Variants in BANK1 observed in about 807,000 individuals in gnomAD.
The protein encoded by BANK1 is B-cell scaffold protein with ankyrin repeats.
Under a neutral mutation model 94.5 loss-of-function variants are expected in BANK1, and 95 were observed. The ratio of observed to expected loss-of-function variants is 1.00; its 90% CI spans 0.85 to 1.19. BANK1 has a LOEUF of 1.19. Among genes scored for constraint, BANK1 ranks in the 50% most tolerant of loss-of-function variants. The probability of loss-of-function intolerance (pLI) is 0.00; values close to 1 mark genes in which losing one functional copy is unlikely to be tolerated. For synonymous variants in BANK1, 334 were observed against 308.4 expected (o/e 1.08, Z -0.87); for missense variants, 987 against 932.2 (o/e 1.06, Z -0.77).
In BANK1 at chr4:101,818,194, A is replaced by G. The variant is rs150189471; in HGVS notation, c.71-11614A>G. 2.6e-5 allele frequency among the ~76,000 whole-genome samples: 4 copies of G among 152,318 alleles called. No individual in the cohort carries two copies. The East Asian group carries it at 5.8e-4, about 22-fold the overall frequency. ...ATGACATGGGGCATAGCCTTGAGGT[A>G]AGTCAGGGAAAGGTTACTGCTGTTT... On this transcript the variant is annotated intron_variant, in intron 1 of 16. Transcript: ENST00000322953.
intron 7 of BANK1, among the ~76,000 whole-genome samples, chr4:101,975,997 A>G (rs1725113862): frequency 6.6e-6 from 1 of 152,090 alleles, no homozygotes; most frequent in South Asian, 2.1e-4. Flanking sequence ...TTCCTACAAC[A>G]TATCCTCCCC....
At chr4:102,065,176 A>G (rs1728550096) in intron 13 of BANK1, among the ~76,000 whole-genome samples, 1 of 152,164 alleles carries the variant, frequency 6.6e-6, no homozygotes, top group Admixed American at 6.5e-5. Flanking sequence ...CCTCCATAAA[A>G]TACCTGACAT....
chr4:101,987,265 A>T (rs1360679836), intron 7 of BANK1, among the ~76,000 whole-genome samples: 1 of 151,936 alleles, frequency 6.6e-6, no homozygotes, highest in Non-Finnish European at 1.5e-5. Context: ...TTTACTAGGG[A>T]TTACTAAGTG....
At chr4:102,072,314 A>G (rs561768925) in intron 14 of BANK1, 31 bp from the exon 15 acceptor site, 4 of 1,470,568 alleles carry the variant, frequency 2.7e-6, no homozygotes, top group South Asian at 2.3e-5. Context: ...GTGAATGAAT[A>G]AAGAGGTAAT....
chr4:101,948,188 C>T (rs78034245), intron 7 of BANK1, among the ~76,000 whole-genome samples: 1 of 152,124 alleles, frequency 6.6e-6, no homozygotes, highest in East Asian at 1.9e-4. Flanking sequence ...GAGACTAGCC[C>T]TACAAAAGAG....
chr4:101,798,426 C>T (rs74431034), intron 1 of BANK1, among the ~76,000 whole-genome samples: 13 of 152,276 alleles, frequency 8.5e-5, no homozygotes, highest in Admixed American at 2.0e-4. Context: ...GAGAACAGCT[C>T]CATGAATTCC....
chr4:102,008,589 C>T (rs1339288711), intron 7 of BANK1, among the ~76,000 whole-genome samples: 3 of 152,056 alleles, frequency 2.0e-5, no homozygotes, highest in African/African-American at 4.8e-5. Flanking sequence ...GGGTATATTG[C>T]GTTAGGTAGA....
intron 13 of BANK1, among the ~76,000 whole-genome samples, chr4:102,063,427 T>G (rs1728490478): frequency 6.6e-6 from 1 of 151,992 alleles, no homozygotes; most frequent in Non-Finnish European, 1.5e-5. Flanking sequence ...GATAAGTATT[T>G]TATATGTTAT....
At chr4:101,861,325 T>C (rs935826376) in intron 3 of BANK1, among the ~76,000 whole-genome samples, 2 of 152,180 alleles carry the variant, frequency 1.3e-5, no homozygotes, top group African/African-American at 4.8e-5. Context: ...GTTTTATTGG[T>C]GAGTAATTTA....
intron 7 of BANK1, among the ~76,000 whole-genome samples, chr4:101,935,370 A>G (rs2148907233): frequency 6.6e-6 from 1 of 151,690 alleles, no homozygotes; most frequent in African/African-American, 2.4e-5. Context: ...TGGGCTGTTA[A>G]CTTGCTGAAA....
chr4:101,816,098 T>A (rs1445175460), intron 1 of BANK1, among the ~76,000 whole-genome samples: 4 of 152,200 alleles, frequency 2.6e-5, no homozygotes, highest in African/African-American at 9.6e-5. Context: ...CCTATGAAAC[T>A]TTGATCCTAT....
intron 5 of BANK1, among the ~76,000 whole-genome samples, chr4:101,881,408 A>G (rs1235226488): frequency 6.6e-6 from 1 of 152,082 alleles, no homozygotes; most frequent in Non-Finnish European, 1.5e-5. Context: ...AAAATAGCTT[A>G]TATTCCAAAA....
In BANK1 at chr4:102,063,064, T is replaced by G; in HGVS notation, c.2149-11T>G. The stretch of plus-strand genomic sequence containing the variant: ...AAATCATAACTATGTCCTGGTTGTT[T>G]CCACATTAAGGAGAAATTACGACAA... On this transcript the variant is annotated splice_polypyrimidine_tract_variant and intron_variant, in intron 12 of 16. Transcript: ENST00000322953. 6.2e-7 allele frequency: 1 copy of G among 1,611,856 alleles called. No homozygotes were observed. The highest frequency in any genetic ancestry group is 8.5e-7 in the Non-Finnish European group (1 of 1,178,280).
At chr4:101,830,244 GTTT>G (rs58497383) in intron 2 of BANK1, 38 bp downstream of exon 2, 457,971 of 1,284,028 alleles carry the variant, frequency 0.36, 67,575 homozygotes, top group Admixed American at 0.4. Context: ...ATTTTTATTT[GTTT>G]TTTTTTTTTT....
In BANK1 at chr4:101,830,048, T is replaced by C; in HGVS notation, c.311T>C (p.Ile104Thr). The C allele has an allele frequency of 1.4e-5, 23 of 1,613,916 alleles. No individual in the cohort carries two copies. Among genetic ancestry groups the C allele is most frequent in the Non-Finnish European group, 1.9e-5 (23 of 1,179,906 alleles). The change falls in exon 2 of 17, where the codon ATA (isoleucine) becomes ACA (threonine). Residue 104 changes from isoleucine to threonine, a missense_variant. Coordinates refer to ENST00000322953, the MANE Select transcript of BANK1 (RefSeq NM_017935.5). The part of the protein sequence containing the change: ...TPKKCQFLEK[I>T]LHSPKSVVTL... ...AAGAAATGTCAGTTTCTGGAAAAGA[T>C]ACTTCATTCACCAAAAAGTGTAGTT...
intron 5 of BANK1, among the ~76,000 whole-genome samples, chr4:101,884,571 A>G (rs937460638): frequency 1.3e-5 from 2 of 152,174 alleles, no homozygotes; most frequent in African/African-American, 4.8e-5. Flanking sequence ...TATATTTCAA[A>G]TGTGGTTTCC....
chr4:101,855,229 G>A, intron 3 of BANK1, 40 bp downstream of exon 3: 4 of 1,572,516 alleles, frequency 2.5e-6, no homozygotes, highest in African/African-American at 1.3e-5. Context: ...ACCCCATTGT[G>A]TTATGGTGGT....
At position 102,063,079 on chromosome 4, in the gene BANK1, A is replaced by T. The variant is rs1560716004; in HGVS notation, c.2153A>T (p.Lys718Ile). ...KSGLEMIQQEKLRQLRDCIIG... is the reference protein window; with the variant it reads ...KSGLEMIQQEILRQLRDCIIG... Reference sequence around the variant, plus strand: ...CCTGGTTGTTTCCACATTAAGGAGAAATTACGACAACTACGAGACTGCATT... The same window carrying T: ...CCTGGTTGTTTCCACATTAAGGAGATATTACGACAACTACGAGACTGCATT... The change falls in exon 13 of 17, where the codon AAA (lysine) becomes ATA (isoleucine). Residue 718 changes from lysine to isoleucine, a missense_variant. Transcript: ENST00000322953. The T allele has an allele frequency of 6.2e-7, 1 of 1,613,512 alleles. No individual in the cohort carries two copies. The highest frequency in any genetic ancestry group is 1.3e-5 in the African/African-American group (1 of 75,026).
At chr4:101,868,079 A>G (rs1360565278) in intron 4 of BANK1, among the ~76,000 whole-genome samples, 1 of 152,018 alleles carries the variant, frequency 6.6e-6, no homozygotes, top group Non-Finnish European at 1.5e-5. Flanking sequence ...CTCAATTTAA[A>G]TATTAAGACA....
Sources: allele counts gnomAD v4.1 joint callset (sites outside exome capture counted in the v4.1 genomes callset), GRCh38; gene constraint gnomAD v4.1.1; transcripts MANE v1.5; gene names NCBI Gene and HGNC (gene_info 2026-07-23, HGNC 2026-07-21).